Variants in SNX29 observed in about 807,000 individuals in gnomAD.
The protein encoded by SNX29 is sorting nexin 29, also known as sorting nexin-29.
Under a neutral mutation model 102.1 loss-of-function variants are expected in SNX29, and 78 were observed. The observed-to-expected ratio is 0.76, with a 90% CI of 0.64 to 0.92. The LOEUF (loss-of-function observed/expected upper bound fraction) is 0.92. Ranked by LOEUF, SNX29 falls within the 40% of genes least tolerant of loss-of-function variation. The pLI is 0.00. For synonymous variants in SNX29, 580 were observed against 414.5 expected (o/e 1.40, Z -4.85); for missense variants, 1,280 against 1,061.7 (o/e 1.21, Z -2.86).
intron 18 of SNX29, among the ~76,000 whole-genome samples, chr16:12,432,536 T>C (rs1223829527): frequency 1.3e-5 from 2 of 152,112 alleles, no homozygotes; most frequent in African/African-American, 4.8e-5. Context: ...GGGCAGGGCA[T>C]CCTAAGAAGG....
intron 15 of SNX29, among the ~76,000 whole-genome samples, chr16:12,280,299 C>G (rs925747422): frequency 6.6e-6 from 1 of 152,160 alleles, no homozygotes; most frequent in African/African-American, 2.4e-5. Context: ...GGCCGTGTCA[C>G]CACCCGCTTT....
chr16:12,282,381 A>G (rs1404469146), intron 15 of SNX29, among the ~76,000 whole-genome samples: 2 of 152,236 alleles, frequency 1.3e-5, no homozygotes, highest in Non-Finnish European at 2.9e-5. Flanking sequence ...GGAAAAGCAC[A>G]TCTTGTCTGT....
chr16:12,036,074 TC>T (rs1176765183), intron 4 of SNX29, among the ~76,000 whole-genome samples: 1 of 152,104 alleles, frequency 6.6e-6, no homozygotes, highest in African/African-American at 2.4e-5. Context: ...TGGGTTTTTT[TC>T]TTTTTGTTTT....
chr16:12,282,916 C>T (rs1191899804), intron 15 of SNX29, among the ~76,000 whole-genome samples: 1 of 152,230 alleles, frequency 6.6e-6, no homozygotes, highest in Non-Finnish European at 1.5e-5. Flanking sequence ...CTTGGCCTCT[C>T]AAAGTGCTGG....
intron 18 of SNX29, among the ~76,000 whole-genome samples, chr16:12,410,755 A>C (rs2084366040): frequency 6.6e-6 from 1 of 152,192 alleles, no homozygotes; most frequent in African/African-American, 2.4e-5. Context: ...TTAAAGGTTT[A>C]ATCCAGCTAA....
intron 20 of SNX29, among the ~76,000 whole-genome samples, chr16:12,529,239 G>C (rs12932055): frequency 0.025 from 3,818 of 152,254 alleles, 67 homozygotes; most frequent in Non-Finnish European, 0.038. Context: ...GGGGGGACCA[G>C]AGTCTACTCC....
chr16:12,222,831 A>G (rs527883662), intron 14 of SNX29, among the ~76,000 whole-genome samples: 4 of 152,238 alleles, frequency 2.6e-5, no homozygotes, highest in Admixed American at 2.6e-4. Flanking sequence ...AGACTCCCAA[A>G]GTGCTGGGAT....
chr16:12,073,712 C>G (rs1402710880), intron 10 of SNX29, among the ~76,000 whole-genome samples: 2 of 152,090 alleles, frequency 1.3e-5, no homozygotes, highest in African/African-American at 4.8e-5. Flanking sequence ...AGTTCAATTC[C>G]TGGGTATCCT....
Position 12,570,368 on chromosome 16 carries a change from C to G in SNX29, c.*1739C>G, listed in dbSNP as rs1469987828. 2 of 463,096 alleles carry G rather than the reference C, an allele frequency of 4.3e-6. No individual in the cohort carries two copies. Among genetic ancestry groups the G allele is most frequent in the African/African-American group, 2.0e-5 (1 of 49,476 alleles). 28.7% of individuals were successfully genotyped at this position (463,096 alleles called of 1,614,324 possible). ...CACCTGCCAACATTGCTGCAATACA[C>G]ATGGTTTATCTGAAATTCCAAGGCC... On this transcript the variant is annotated 3_prime_UTR_variant, in exon 21 of 21. Coordinates refer to ENST00000566228, the MANE Select transcript of SNX29 (RefSeq NM_032167.5).
At chr16:12,373,322 G>T (rs956052157) in intron 16 of SNX29, among the ~76,000 whole-genome samples, 1 of 152,026 alleles carries the variant, frequency 6.6e-6, no homozygotes, top group Non-Finnish European at 1.5e-5. Flanking sequence ...TAGAGATGGG[G>T]TTTCACTATA....
chr16:12,520,258 C>T (rs1162131664), intron 19 of SNX29, among the ~76,000 whole-genome samples: 1 of 152,358 alleles, frequency 6.6e-6, no homozygotes, highest in Admixed American at 6.5e-5. Context: ...TCCTCCTCTT[C>T]ACAAGGCAGA....
intron 14 of SNX29, 110 bp from the exon 15 acceptor site, chr16:12,277,823 G>A (rs2079302458): frequency 1.2e-6 from 1 of 836,344 alleles, no homozygotes; most frequent in Non-Finnish European, 1.9e-6. Context: ...TTTCTTGAGA[G>A]CTTTTTCAGT....
At chr16:12,539,001 A>G (rs942976159) in intron 20 of SNX29, among the ~76,000 whole-genome samples, 1 of 152,236 alleles carries the variant, frequency 6.6e-6, no homozygotes, top group African/African-American at 2.4e-5. Flanking sequence ...CAGACCAGTA[A>G]TTCGAGCCAA....
intron 11 of SNX29, among the ~76,000 whole-genome samples, chr16:12,082,443 T>C (rs190778868): frequency 4.1e-4 from 62 of 152,282 alleles, no homozygotes; most frequent in African/African-American, 1.4e-3. Context: ...CCGCTTTCTG[T>C]CTTTGAGGAA....
intron 14 of SNX29, among the ~76,000 whole-genome samples, chr16:12,259,993 G>A (rs1353243622): frequency 6.6e-6 from 1 of 152,150 alleles, no homozygotes; most frequent in African/African-American, 2.4e-5. Context: ...CTGATGCGCG[G>A]CCACGTTCCT....
intron 13 of SNX29, among the ~76,000 whole-genome samples, chr16:12,146,665 C>G (rs956588390): frequency 6.6e-6 from 1 of 152,188 alleles, no homozygotes; most frequent in African/African-American, 2.4e-5. Flanking sequence ...CCATTCATCA[C>G]TGCTTGGCTC....
chr16:12,138,269 G>T (rs1038596930), intron 13 of SNX29, among the ~76,000 whole-genome samples: 2 of 147,534 alleles, frequency 1.4e-5, no homozygotes, highest in African/African-American at 5.0e-5. Flanking sequence ...GTGCAGTGGT[G>T]CGATCTCGGC....
At position 12,466,800 on chromosome 16, in the gene SNX29, G is replaced by A. The variant is rs539838537; in HGVS notation, c.2038-10919G>A. Among the ~76,000 whole-genome samples the A allele has an allele frequency of 5.3e-5, 8 of 152,320 alleles. No homozygotes were observed. In the South Asian group the frequency reaches 1.2e-3, roughly 24 times the overall value. On this transcript the variant is annotated intron_variant, in intron 18 of 20. Transcript: ENST00000566228. Reference sequence around the variant, plus strand: ...GGCTGCCTGGGCTCTTGGGTCCTCGGTGGGCTCCGAGGGGATTGGAAAGTC... The same window carrying A: ...GGCTGCCTGGGCTCTTGGGTCCTCGATGGGCTCCGAGGGGATTGGAAAGTC...
intron 15 of SNX29, among the ~76,000 whole-genome samples, chr16:12,319,696 G>A (rs915651156): frequency 1.3e-5 from 2 of 152,222 alleles, no homozygotes; most frequent in African/African-American, 2.4e-5. Context: ...AGAGAAGATT[G>A]TCTCGGCCAT....
Sources: allele counts gnomAD v4.1 joint callset (sites outside exome capture counted in the v4.1 genomes callset), GRCh38; gene constraint gnomAD v4.1.1; transcripts MANE v1.5; gene names NCBI Gene and HGNC (gene_info 2026-07-23, HGNC 2026-07-21).